CRY2: variants seen among roughly 807,000 people sequenced by gnomAD.
CRY2 encodes the protein cryptochrome-2.
CRY2 carries 31 observed loss-of-function variants against 69.5 expected under a neutral mutation model. The ratio of observed to expected loss-of-function variants is 0.45; its 90% confidence interval spans 0.34 to 0.60. The LOEUF (loss-of-function observed/expected upper bound fraction) is 0.60, where lower values mean the gene tolerates loss of function less well. CRY2 is among the 20% of genes least tolerant of loss of function. The pLI, the probability that CRY2 is intolerant of heterozygous loss-of-function variation, is 0.02. For missense variants in CRY2, 606 were observed against 797.8 expected (o/e 0.76, Z 2.90); for synonymous variants, 303 against 312.2 (o/e 0.97, Z 0.31).
chr11:45,858,515 C>T (rs2086260949), intron 2 of CRY2: 1 of 541,110 alleles, frequency 1.8e-6, no homozygotes, highest in African/African-American at 1.9e-5. Context: ...TCCACTGTTG[C>T]TGTGCTGTTG....
In CRY2 at chr11:45,881,673, A is replaced by C. The variant is rs749254136; in HGVS notation, c.*762A>C. On this transcript the variant is annotated 3_prime_UTR_variant, in exon 12 of 12. Coordinates refer to ENST00000616080, the MANE Select transcript of CRY2 (RefSeq NM_021117.5). ...TACCTTTTCAGGATTTAGAACCTAA[A>C]ATTAGAAAGAGAATCCCAGCTGTCA... 1 of 152,232 alleles carries C rather than the reference A, an allele frequency of 6.6e-6. No homozygotes were observed. The highest frequency in any genetic ancestry group is 1.5e-5 in the Non-Finnish European group (1 of 68,044). The allele number at this position is 152,232 out of a possible 1,614,324, so 9.4% of individuals were successfully genotyped here. A position where few individuals can be genotyped will look rare whatever the true frequency, so the allele number is the denominator to read the frequency against.
rs983811526 is a variant in CRY2, at chr11:45,869,594, G to C, written c.971G>C (p.Arg324Thr). The C allele has an allele frequency of 2.5e-6, 4 of 1,614,144 alleles. No individual in the cohort carries two copies. Among genetic ancestry groups the C allele is most frequent in the Non-Finnish European group, 3.4e-6 (4 of 1,180,058 alleles). The change falls in exon 7 of 12, where the codon AGG (arginine) becomes ACG (threonine). Residue 324 changes from arginine to threonine, a missense_variant. Arg to Thr is a moderately conservative substitution (Grantham distance 71, BLOSUM62 -1). Coordinates refer to ENST00000616080, the MANE Select transcript of CRY2 (RefSeq NM_021117.5). ...TACACGGCAGCTACCAACAACCCCAGGTTTGACCGCATGGAGGGGAACCCC... is the reference window on the plus strand; with the variant it reads ...TACACGGCAGCTACCAACAACCCCACGTTTGACCGCATGGAGGGGAACCCC... ...FFYTAATNNP[R>T]FDRMEGNPIC...
At chr11:45,870,690 T>C in intron 9 of CRY2, 152 bp from the exon 10 acceptor site, 1 of 1,112,110 alleles carries the variant, frequency 9.0e-7, no homozygotes, top group Non-Finnish European at 1.3e-6. Flanking sequence ...TGGGATGAAC[T>C]GGGCCTTCCT....
rs1220901898 is a variant in CRY2, at chr11:45,851,690, TCA to T, written c.215+3986_215+3987del. Among the ~76,000 whole-genome samples the T allele has an allele frequency of 2.0e-5, 3 of 152,336 alleles. No homozygotes were observed. In the East Asian group the frequency reaches 5.8e-4, roughly 29 times the overall value. ...ATATTTAAGTATTTCTAAATATCAC[TCA>T]GATACTTAGAAATAAATCCCTGCCA... On this transcript the variant is annotated intron_variant, in intron 1 of 11. Coordinates refer to ENST00000616080, the MANE Select transcript of CRY2 (RefSeq NM_021117.5).
chr11:45,874,343 C>T (rs1362919397), intron 11 of CRY2, among the ~76,000 whole-genome samples: 2 of 151,976 alleles, frequency 1.3e-5, no homozygotes, highest in Non-Finnish European at 2.9e-5. Context: ...TTAATAATAG[C>T]TCAATTACTG....
rs377483960 is a variant in CRY2, at chr11:45,862,005, G to A, written c.653-55G>A. The stretch of plus-strand genomic sequence containing the variant: ...GTTCAAATAACAGAACAGCCGTGCC[G>A]GGCTATCACTGAAATGGTCAAACCT... On this transcript the variant is annotated intron_variant, in intron 4 of 11. Transcript: ENST00000616080. 75 of 1,451,332 alleles carry A rather than the reference G, an allele frequency of 5.2e-5. No individual in the cohort carries two copies. In the African/African-American group the frequency reaches 6.2e-4, roughly 12 times the overall value. The allele number at this position is 1,451,332 out of a possible 1,614,324, so 89.9% of individuals were successfully genotyped here.
chr11:45,849,149 C>G (rs2086174545), intron 1 of CRY2, among the ~76,000 whole-genome samples: 1 of 152,210 alleles, frequency 6.6e-6, no homozygotes, highest in South Asian at 2.1e-4. Context: ...GTACTGCCTA[C>G]TCTTTTTTGA....
upstream of CRY2, chr11:45,847,175 G>T (rs2086154865): frequency 9.7e-6 from 15 of 1,548,348 alleles, no homozygotes; most frequent in South Asian, 1.7e-4. Flanking sequence ...GCTGTCCCTT[G>T]AGACTTGGCC....
At chr11:45,852,130 C>G (rs1285734402) in intron 1 of CRY2, among the ~76,000 whole-genome samples, 1 of 152,178 alleles carries the variant, frequency 6.6e-6, no homozygotes, top group Non-Finnish European at 1.5e-5. Context: ...GCCTCTGGCT[C>G]CAGAGCACTT....
intron 1 of CRY2, among the ~76,000 whole-genome samples, chr11:45,854,920 A>C (rs1458325732): frequency 6.6e-6 from 1 of 152,228 alleles, no homozygotes; most frequent in Non-Finnish European, 1.5e-5. Context: ...GCATGACAGA[A>C]CCAAAATCCC....
In CRY2 at chr11:45,860,875, A is replaced by T; in HGVS notation, c.495A>T (p.Pro165=). 1 of 1,614,078 alleles carries T rather than the reference A, an allele frequency of 6.2e-7. No individual in the cohort carries two copies. The highest frequency in any genetic ancestry group is 8.5e-7 in the Non-Finnish European group (1 of 1,180,002). The part of the protein sequence containing the change: ...DRIIELNGQK[P]PLTYKRFQAI... Reference sequence around the variant, plus strand: ...TCATTGAGCTGAATGGGCAGAAGCCACCCCTTACATACAAGCGCTTTCAGG... The same window carrying T: ...TCATTGAGCTGAATGGGCAGAAGCCTCCCCTTACATACAAGCGCTTTCAGG... The change falls in exon 4 of 12, where the codon CCA becomes CCT. Residue 165 remains proline (P), a synonymous_variant. Coordinates refer to ENST00000616080, the MANE Select transcript of CRY2 (RefSeq NM_021117.5).
chr11:45,873,830 G>A (rs552297297), intron 11 of CRY2, among the ~76,000 whole-genome samples: 10 of 152,306 alleles, frequency 6.6e-5, no homozygotes, highest in East Asian at 1.9e-4. Context: ...AGAAGTTTGC[G>A]CTAGGGGGCC....
At chr11:45,858,922 A>G (rs1393167687) in intron 3 of CRY2, 49 bp downstream of exon 3, 1 of 1,593,806 alleles carries the variant, frequency 6.3e-7, no homozygotes. Context: ...AGAGTTAGTA[A>G]TTTGGGCCCC....
At position 45,858,610 on chromosome 11, in the gene CRY2, T is replaced by C. The variant is rs143753743; in HGVS notation, c.325-121T>C. On this transcript the variant is annotated intron_variant, in intron 2 of 11. Transcript: ENST00000616080. ...GATCAAATCCCTGTTCCTAGTTTTT[T>C]CTGCTGCCCATCAGATAGGTCTCTA... is the stretch of plus-strand genomic sequence containing the variant. The C allele has an allele frequency of 5.4e-6, 6 of 1,107,850 alleles. No homozygotes were observed. In the East Asian group the frequency reaches 1.6e-4, roughly 30 times the overall value. The allele number at this position is 1,107,850 out of a possible 1,614,324, so 68.6% of individuals were successfully genotyped here. A position where few individuals can be genotyped will look rare whatever the true frequency, so the allele number is the denominator to read the frequency against.
chr11:45,875,393 A>G (rs778556514), intron 11 of CRY2, among the ~76,000 whole-genome samples: 3 of 152,216 alleles, frequency 2.0e-5, no homozygotes, highest in Non-Finnish European at 2.9e-5. Context: ...AACAGGAATG[A>G]TCAAATTGGC....
chr11:45,853,299 A>G (rs539690473), intron 1 of CRY2, among the ~76,000 whole-genome samples: 1 of 152,316 alleles, frequency 6.6e-6, no homozygotes, highest in East Asian at 1.9e-4. Context: ...AATCATTGCC[A>G]TTATTATCAT....
At position 45,882,945 on chromosome 11, in the gene CRY2, A is replaced by G. The variant is rs1198168041; in HGVS notation, c.*2034A>G. On this transcript the variant is annotated 3_prime_UTR_variant, in exon 12 of 12. Coordinates refer to ENST00000616080, the MANE Select transcript of CRY2 (RefSeq NM_021117.5). ...AGCATGTCAGCCCGTTCCCAGATCA[A>G]CCTGCCAGTGGAGTCAGGCAGTGCA... 7.9e-6 allele frequency: 3 copies of G among 379,538 alleles called. No homozygotes were observed. The highest frequency in any genetic ancestry group is 1.5e-4 in the South Asian group (1 of 6,830). The allele number at this position is 379,538 out of a possible 1,614,324, so 23.5% of individuals were successfully genotyped here. A position where few individuals can be genotyped will look rare whatever the true frequency, so the allele number is the denominator to read the frequency against.
At chr11:45,856,429 C>T (rs982359829) in intron 2 of CRY2, 5 of 183,662 alleles carry the variant, frequency 2.7e-5, no homozygotes, top group African/African-American at 9.8e-5. Flanking sequence ...CCTTCTAGGC[C>T]AAGACTTTGA....
chr11:45,882,727 AG>A lies in CRY2; in HGVS notation c.*1817del, dbSNP rs1446370364. On this transcript the variant is annotated 3_prime_UTR_variant, in exon 12 of 12. Transcript: ENST00000616080. ...GAGGAAAGAGAATCGGGCCACTGCC[AG>A]AAAGAGAGTCAAGCAAACCTGGAAG... is the stretch of plus-strand genomic sequence containing the variant. The A allele has an allele frequency of 7.5e-6, 3 of 398,874 alleles. No homozygotes were observed. The highest frequency in any genetic ancestry group is 1.3e-5 in the Non-Finnish European group (3 of 226,104). The allele number at this position is 398,874 out of a possible 1,614,324, so 24.7% of individuals were successfully genotyped here. A position where few individuals can be genotyped will look rare whatever the true frequency, so the allele number is the denominator to read the frequency against.
Sources: gnomAD v4.1 joint callset for allele counts (sites outside exome capture counted in the v4.1 genomes callset) on GRCh38, gnomAD v4.1.1 for gene constraint, MANE v1.5 for transcripts, NCBI Gene and HGNC (gene_info 2026-07-23, HGNC 2026-07-21) for gene names.